ZNF423: variants seen among roughly 807,000 people sequenced by gnomAD.
ZNF423 encodes Ebf-associated zinc finger protein.
ZNF423 carries 12 observed loss-of-function variants against 95.8 expected under a neutral mutation model. The ratio of observed to expected loss-of-function variants is 0.13; its 90% CI spans 0.08 to 0.20. ZNF423 has a LOEUF of 0.20. Among genes scored for constraint, ZNF423 ranks in the 10% least tolerant of loss-of-function variants. The pLI is 1.00. For synonymous variants in ZNF423, 749 were observed against 711.9 expected (o/e 1.05, Z -0.83); for missense variants, 1,316 against 1,737.1 (o/e 0.76, Z 4.31).
intron 7 of ZNF423, among the ~76,000 whole-genome samples, chr16:49,502,643 C>T (rs1967454070): frequency 6.6e-6 from 1 of 152,060 alleles, no homozygotes; most frequent in Non-Finnish European, 1.5e-5. Flanking sequence ...CCCTTCTACC[C>T]TCCACAGTGT....
chr16:49,783,759 C>A (rs1195082881), intron 2 of ZNF423, among the ~76,000 whole-genome samples: 1 of 151,954 alleles, frequency 6.6e-6, no homozygotes, highest in Non-Finnish European at 1.5e-5. Context: ...ATCACAAGGT[C>A]AGGAGATCGA....
chr16:49,621,584 T>C (rs1972086287), intron 5 of ZNF423, among the ~76,000 whole-genome samples: 1 of 151,916 alleles, frequency 6.6e-6, no homozygotes, highest in Admixed American at 6.6e-5. Flanking sequence ...GTGCCCTGAG[T>C]TTATGAGAAG....
chr16:49,849,013 CACCTGA>C (rs1213593312), intron 1 of ZNF423, among the ~76,000 whole-genome samples: 3 of 152,246 alleles, frequency 2.0e-5, no homozygotes, highest in African/African-American at 7.2e-5. Context: ...AAAAAATATC[CACCTGA>C]ACCATATTCA....
chr16:49,841,111 A>G (rs531949974), intron 1 of ZNF423, among the ~76,000 whole-genome samples: 1 of 152,346 alleles, frequency 6.6e-6, no homozygotes, highest in East Asian at 1.9e-4. Context: ...CCCATTTCAA[A>G]GGAAAAGAAA....
intron 3 of ZNF423, among the ~76,000 whole-genome samples, chr16:49,658,267 G>A (rs772072557): frequency 6.6e-6 from 1 of 152,170 alleles, no homozygotes; most frequent in Non-Finnish European, 1.5e-5. Flanking sequence ...CATAGCTGCT[G>A]TGTCCCCAGC....
chr16:49,553,789 C>A (rs763155189), intron 5 of ZNF423, among the ~76,000 whole-genome samples: 1 of 152,142 alleles, frequency 6.6e-6, no homozygotes, highest in African/African-American at 2.4e-5. Context: ...TATGAAATAA[C>A]GTCTTTCCCT....
intron 2 of ZNF423, among the ~76,000 whole-genome samples, chr16:49,759,307 G>A (rs2033783193): frequency 6.6e-6 from 1 of 152,240 alleles, no homozygotes; most frequent in East Asian, 1.9e-4. Flanking sequence ...GCTGGGGCAG[G>A]AGAATCGCTT....
At chr16:49,727,634 T>C (rs1290829506) in intron 3 of ZNF423, among the ~76,000 whole-genome samples, 2 of 152,094 alleles carry the variant, frequency 1.3e-5, no homozygotes, top group Non-Finnish European at 2.9e-5. Context: ...GGGCTGACCC[T>C]GCCAGGACAC....
At chr16:49,521,520 A>G (rs1219388409) in intron 7 of ZNF423, among the ~76,000 whole-genome samples, 1 of 152,142 alleles carries the variant, frequency 6.6e-6, no homozygotes, top group African/African-American at 2.4e-5. Flanking sequence ...CGCCCCACAC[A>G]TCCTAAGCAC....
chr16:49,530,843 G>A (rs964661877), intron 5 of ZNF423, among the ~76,000 whole-genome samples: 12 of 152,178 alleles, frequency 7.9e-5, no homozygotes, highest in African/African-American at 2.9e-4. Context: ...GGGCAGAGCG[G>A]GGCAGCAGCA....
At chr16:49,687,588 A>G (rs970125976) in intron 3 of ZNF423, among the ~76,000 whole-genome samples, 2 of 152,254 alleles carry the variant, frequency 1.3e-5, no homozygotes, top group African/African-American at 4.8e-5. Flanking sequence ...AAAGAAAGGC[A>G]GGAACAATGA....
At chr16:49,821,637 A>G (rs1395848305) in intron 1 of ZNF423, among the ~76,000 whole-genome samples, 1 of 152,158 alleles carries the variant, frequency 6.6e-6, no homozygotes, top group African/African-American at 2.4e-5. Flanking sequence ...GGTTGTAACA[A>G]GAAGAGATTT....
chr16:49,810,607 C>T (rs2034735827), intron 1 of ZNF423, among the ~76,000 whole-genome samples: 1 of 152,170 alleles, frequency 6.6e-6, no homozygotes, highest in African/African-American at 2.4e-5. Context: ...CTCAGGGCCT[C>T]GTCTCCACAG....
At chr16:49,629,779 G>A (rs1972436871) in intron 4 of ZNF423, among the ~76,000 whole-genome samples, 2 of 152,192 alleles carry the variant, frequency 1.3e-5, no homozygotes, top group South Asian at 4.1e-4. Context: ...CATATGCAGA[G>A]GAGTCTATTC....
chr16:49,639,251 G>A (rs1270355555), intron 3 of ZNF423, among the ~76,000 whole-genome samples: 1 of 152,104 alleles, frequency 6.6e-6, no homozygotes, highest in African/African-American at 2.4e-5. Flanking sequence ...TAGGCCAAAA[G>A]GAAGACAAGT....
intron 2 of ZNF423, among the ~76,000 whole-genome samples, chr16:49,751,987 G>T (rs2033641003): frequency 6.6e-6 from 1 of 152,206 alleles, no homozygotes; most frequent in Admixed American, 6.5e-5. Context: ...AAACCCCACA[G>T]CAAGGAGGGA....
At chr16:49,521,371 T>A (rs1423653182) in intron 7 of ZNF423, among the ~76,000 whole-genome samples, 1 of 152,212 alleles carries the variant, frequency 6.6e-6, no homozygotes, top group East Asian at 1.9e-4. Context: ...TCTGTCAGGA[T>A]ACCCAGGCCT....
chr16:49,583,374 G>A lies in ZNF423; in HGVS notation c.3601+42796C>T, dbSNP rs913495350. 5.3e-5 allele frequency among the ~76,000 whole-genome samples: 8 copies of A among 152,148 alleles called. No individual in the cohort carries two copies. The East Asian group carries it at 1.5e-3, about 29-fold the overall frequency. The stretch of plus-strand genomic sequence containing the variant: ...CATTAGAAAAGCATCTTGTGATGAT[G>A]CTAATCACACCATAAGTGGGGAAAA... On this transcript the variant is annotated intron_variant, in intron 5 of 7. Coordinates refer to ENST00000563137, the MANE Select transcript of ZNF423 (RefSeq NM_001379286.1).
At chr16:49,525,014 G>A (rs1417332132) in intron 6 of ZNF423, among the ~76,000 whole-genome samples, 1 of 152,214 alleles carries the variant, frequency 6.6e-6, no homozygotes, top group South Asian at 2.1e-4. Context: ...AGAGCTCAAG[G>A]CTCGGGGAGA....
Sources: gnomAD v4.1 joint callset for allele counts (sites outside exome capture counted in the v4.1 genomes callset) on GRCh38, gnomAD v4.1.1 for gene constraint, MANE v1.5 for transcripts, NCBI Gene and HGNC (gene_info 2026-07-23, HGNC 2026-07-21) for gene names.